ABRAXAS1: variants seen among roughly 807,000 people sequenced by gnomAD.
The protein encoded by ABRAXAS1 is BRCA1-A complex subunit Abraxas 1.
A neutral mutation model predicts 38.4 loss-of-function variants in ABRAXAS1; 26 were observed. The observed-to-expected ratio is 0.68, with a 90% CI of 0.50 to 0.94. ABRAXAS1 has a LOEUF of 0.94. Among genes scored for constraint, ABRAXAS1 ranks in the 40% least tolerant of loss-of-function variants. The pLI is 0.00. For missense variants in ABRAXAS1, 438 were observed against 481.9 expected (o/e 0.91, Z 0.85); for synonymous variants, 144 against 165.5 (o/e 0.87, Z 1.00).
At chr4:83,470,991 A>C (rs982726052) in intron 4 of ABRAXAS1, among the ~76,000 whole-genome samples, 1 of 151,272 alleles carries the variant, frequency 6.6e-6, no homozygotes, top group African/African-American at 2.5e-5. Context: ...TACTTAAGAC[A>C]AAGAGAAAAC....
chr4:83,483,230 T>C (rs1013609832), intron 1 of ABRAXAS1, among the ~76,000 whole-genome samples: 2 of 152,060 alleles, frequency 1.3e-5, no homozygotes, highest in Admixed American at 6.6e-5. Context: ...TCAATTTCTC[T>C]AGGCACACTT....
At chr4:83,468,666 C>T (rs1388101224) in intron 6 of ABRAXAS1, among the ~76,000 whole-genome samples, 1 of 152,090 alleles carries the variant, frequency 6.6e-6, no homozygotes, top group Admixed American at 6.6e-5. Context: ...ATATGCTAAA[C>T]TTTACAGGAT....
rs1326362055 is a variant in ABRAXAS1 at position 83,461,446 on chromosome 4, T to C, written c.*1023A>G. ...TTATATCTGATCCCCAAATAGCTCA[T>C]ACAATAATCCATTCAATAGAATGGA... is the stretch of plus-strand genomic sequence containing the variant. On this transcript the variant is annotated 3_prime_UTR_variant, in exon 9 of 9. Transcript: ENST00000321945. 6.6e-6 allele frequency: 3 copies of C among 451,952 alleles called. No individual in the cohort carries two copies. The highest frequency in any genetic ancestry group is 1.9e-5 in the African/African-American group (1 of 51,652). The allele number at this position is 451,952 out of a possible 1,614,324, so 28.0% of individuals were successfully genotyped here.
Position 83,462,031 on chromosome 4 carries a change from T to C in ABRAXAS1, c.*438A>G, listed in dbSNP as rs1457854801. ...AAATTTTCATATAAATTTCTTTCCA[T>C]ATTTTGAAAATAAGGCTATTCTTGC... On this transcript the variant is annotated 3_prime_UTR_variant, in exon 9 of 9. Coordinates refer to ENST00000321945, the MANE Select transcript of ABRAXAS1 (RefSeq NM_139076.3). The C allele has an allele frequency of 4.4e-6, 1 of 228,854 alleles. No individual in the cohort carries two copies. The highest frequency in any genetic ancestry group is 5.7e-5 in the Admixed American group (1 of 17,640). 14.2% of individuals were successfully genotyped at this position (228,854 alleles called of 1,614,324 possible). A position where few individuals can be genotyped will look rare whatever the true frequency, so the allele number is the denominator to read the frequency against.
intron 4 of ABRAXAS1, among the ~76,000 whole-genome samples, chr4:83,471,931 G>A (rs1231531023): frequency 1.3e-5 from 2 of 152,024 alleles, no homozygotes; most frequent in East Asian, 3.8e-4. Flanking sequence ...GAACTGATTA[G>A]GTCACAGAAT....
intron 2 of ABRAXAS1, 72 bp from the exon 3 acceptor site, chr4:83,476,751 C>T (rs2110044938): frequency 2.1e-6 from 2 of 973,844 alleles, no homozygotes; most frequent in Admixed American, 3.7e-5. Context: ...GCATATTGAG[C>T]CTTTACCTCA....
chr4:83,469,189 AAAAG>A (rs762145353), intron 5 of ABRAXAS1, 38 bp from the exon 6 acceptor site: 10 of 1,580,778 alleles, frequency 6.3e-6, no homozygotes, highest in Non-Finnish European at 8.7e-6. Flanking sequence ...ACTTAGAATG[AAAAG>A]AAAGATTAGT....
At chr4:83,484,029 T>G (rs1723088183) in intron 1 of ABRAXAS1, 1 of 983,070 alleles carries the variant, frequency 1.0e-6, no homozygotes, top group Admixed American at 6.1e-5. Context: ...CAAAGAGCAA[T>G]TTTGTAATGT....
At chr4:83,467,619 A>G (rs1326216906) in intron 6 of ABRAXAS1, 81 bp from the exon 7 acceptor site, 1 of 758,072 alleles carries the variant, frequency 1.3e-6, no homozygotes, top group Non-Finnish European at 2.3e-6. Context: ...ATTGTCAAGG[A>G]CCAATAGAAG....
rs1402284243 is a variant in ABRAXAS1 at position 83,476,644 on chromosome 4, T to C, written c.214A>G (p.Ser72Gly). 1 of 1,564,068 alleles carries C rather than the reference T, an allele frequency of 6.4e-7. No individual in the cohort carries two copies. The highest frequency in any genetic ancestry group is 8.8e-7 in the Non-Finnish European group (1 of 1,135,776). ...QKYIPCYQLF[S>G]FYNSSGEVNE... ...TTACTTACTAGCACTACTACTTACC[T>C]AAAAAGCTGATAGCATGGAATATAT... The change falls in exon 3 of 9, where the codon AGC (serine) becomes GGC (glycine). Residue 72 changes from serine to glycine, a missense_variant and splice_region_variant. Coordinates refer to ENST00000321945, the MANE Select transcript of ABRAXAS1 (RefSeq NM_139076.3).
intron 2 of ABRAXAS1, 38 bp downstream of exon 2, chr4:83,482,116 C>A (rs1362868715): frequency 7.9e-7 from 1 of 1,265,904 alleles, no homozygotes; most frequent in Non-Finnish European, 1.1e-6. Context: ...ATATAGGAGA[C>A]ACAGATGATT....
In ABRAXAS1 at chr4:83,459,886, T is replaced by G. The variant is rs565623822; in HGVS notation, c.*2583A>C. ...ATTTAAGAAAACTCAAATTTTCAAATTGTGCTATAAATTACTACTAGATCA... is the reference window on the plus strand; with the variant it reads ...ATTTAAGAAAACTCAAATTTTCAAAGTGTGCTATAAATTACTACTAGATCA... On this transcript the variant is annotated 3_prime_UTR_variant, in exon 9 of 9. Transcript: ENST00000321945. 1 of 1,146,290 alleles carries G rather than the reference T, an allele frequency of 8.7e-7. No individual in the cohort carries two copies. The highest frequency in any genetic ancestry group is 1.3e-6 in the Non-Finnish European group (1 of 791,316). 71.0% of individuals were successfully genotyped at this position (1,146,290 alleles called of 1,614,324 possible).
At chr4:83,474,144 A>AAAATAAAT (rs71668653) in intron 3 of ABRAXAS1, among the ~76,000 whole-genome samples, 14,462 of 141,884 alleles carry the variant, frequency 0.1, 866 homozygotes, top group African/African-American at 0.14. Flanking sequence ...CCTTGTCTAA[A>AAAATAAAT]AAATAAATAA....
chr4:83,463,543 T>A lies in ABRAXAS1; in HGVS notation c.747A>T (p.Arg249Ser), dbSNP rs1722231029. ...AVDKLVKDVNRLKREIEKRRG... is the reference protein window; with the variant it reads ...AVDKLVKDVNSLKREIEKRRG... ...TCCTTTTCTCAATTTCTCGTTTTAA[T>A]CTGTTTACATCCTTTACTAGTTTAT... Residue 249 changes from arginine to serine, a missense_variant, in exon 8 of 9, where the codon AGA becomes AGT. Arg to Ser is a moderately radical substitution (Grantham distance 110). Coordinates refer to ENST00000321945, the MANE Select transcript of ABRAXAS1 (RefSeq NM_139076.3). The A allele has an allele frequency of 7.4e-6, 12 of 1,612,118 alleles. No individual in the cohort carries two copies. The East Asian group carries it at 2.5e-4, about 33-fold the overall frequency.
At chr4:83,484,823 C>T (rs1303310597) in intron 1 of ABRAXAS1, 163 bp downstream of exon 1, 1 of 521,198 alleles carries the variant, frequency 1.9e-6, no homozygotes. Flanking sequence ...GCACGAGGCA[C>T]CTCAGGGACC....
At chr4:83,479,638 G>A (rs1261319488) in intron 2 of ABRAXAS1, 3 of 152,062 alleles carry the variant, frequency 2.0e-5, no homozygotes, top group Non-Finnish European at 4.4e-5. Context: ...AAAAAATTAT[G>A]GTACGTCTAT....
At chr4:83,474,144 A>AAAATAAATAAATAAATAAAT (rs71668653) in intron 3 of ABRAXAS1, among the ~76,000 whole-genome samples, 103 of 142,024 alleles carry the variant, frequency 7.3e-4, no homozygotes, top group African/African-American at 2.6e-3. Flanking sequence ...CCTTGTCTAA[A>AAAATAAATAAATAAATAAAT]AAATAAATAA....
chr4:83,483,785 C>G (rs1723078117), intron 1 of ABRAXAS1, among the ~76,000 whole-genome samples: 1 of 152,076 alleles, frequency 6.6e-6, no homozygotes, highest in South Asian at 2.1e-4. Flanking sequence ...GGAAAAAGAT[C>G]TGAGAAACAG....
rs75295148 is a variant in ABRAXAS1 at position 83,472,332 on chromosome 4, A to G, written c.216-44T>C. On this transcript the variant is annotated intron_variant, in intron 3 of 8. Coordinates refer to ENST00000321945, the MANE Select transcript of ABRAXAS1 (RefSeq NM_139076.3). ...AAGGTATTTCAAATACGCTAAAAAT[A>G]TAAGTAATTTTATTAGTATTTTAAA... The G allele has an allele frequency of 0.091, 106,495 of 1,164,222 alleles. 5,590 individuals are homozygous for G. Among genetic ancestry groups the G allele is most frequent in the Middle Eastern group, 0.17 (598 of 3,556 alleles). The allele number at this position is 1,164,222 out of a possible 1,614,324, so 72.1% of individuals were successfully genotyped here. A position where few individuals can be genotyped will look rare whatever the true frequency, so the allele number is the denominator to read the frequency against.
Sources: gnomAD v4.1 joint callset for allele counts (sites outside exome capture counted in the v4.1 genomes callset) on GRCh38, gnomAD v4.1.1 for gene constraint, MANE v1.5 for transcripts, NCBI Gene and HGNC (gene_info 2026-07-23, HGNC 2026-07-21) for gene names.